Variants in HMG20A observed in about 807,000 individuals in gnomAD.
The protein encoded by HMG20A is high mobility group protein 20A.
Under a neutral mutation model 43.9 loss-of-function variants are expected in HMG20A, and 17 were observed. The ratio of observed to expected loss-of-function variants is 0.39; its 90% CI spans 0.27 to 0.58. The LOEUF is 0.58. Ranked by LOEUF, HMG20A falls within the 20% of genes least tolerant of loss-of-function variation. The pLI, the probability that HMG20A is intolerant of heterozygous loss-of-function variation, is 0.59. For synonymous variants in HMG20A, 132 were observed against 147.5 expected (o/e 0.89, Z 0.76); for missense variants, 341 against 438.2 (o/e 0.78, Z 1.98).
At chr15:77,470,758 C>T in intron 4 of HMG20A, 152 bp from the exon 5 acceptor site, 1 of 576,898 alleles carries the variant, frequency 1.7e-6, no homozygotes, top group Non-Finnish European at 2.8e-6. Context: ...TCTATTCATA[C>T]AACTCTTGTT....
At chr15:77,476,542 A>C (rs2072858418) in intron 6 of HMG20A, among the ~76,000 whole-genome samples, 1 of 151,190 alleles carries the variant, frequency 6.6e-6, no homozygotes, top group South Asian at 2.1e-4. Context: ...GGAAAGATAC[A>C]TTCTGTCTAG....
intron 6 of HMG20A, among the ~76,000 whole-genome samples, chr15:77,472,410 G>GA (rs1262706041): frequency 2.6e-5 from 4 of 152,156 alleles, no homozygotes; most frequent in Non-Finnish European, 4.4e-5. Context: ...GAGTAGCTGG[G>GA]ACTACAGGCT....
intron 1 of HMG20A, among the ~76,000 whole-genome samples, chr15:77,442,892 A>T (rs1253938976): frequency 6.6e-6 from 1 of 152,184 alleles, no homozygotes; most frequent in Non-Finnish European, 1.5e-5. Context: ...TTTAATTTTA[A>T]AACATCTGTG....
Position 77,465,400 on chromosome 15 carries a change from G to T in HMG20A, c.237+1013G>T, listed in dbSNP as rs1007896003. Reference sequence around the variant, plus strand: ...AAATTAAATTGTTCTGTTGTTTTTTGTTTTTTTTTTTTTGAGGTGGAGTCT... The same window carrying T: ...AAATTAAATTGTTCTGTTGTTTTTTTTTTTTTTTTTTTTGAGGTGGAGTCT... On this transcript the variant is annotated intron_variant, in intron 3 of 9. Transcript: ENST00000336216. 6.6e-4 allele frequency among the ~76,000 whole-genome samples: 90 copies of T among 137,388 alleles called. 1 individual carries two copies. Among genetic ancestry groups the T allele is most frequent in the African/African-American group, 1.9e-3 (70 of 37,128 alleles). The allele number at this position is 137,388 out of a possible 152,430, so 90.1% of individuals were successfully genotyped here. A position where few individuals can be genotyped will look rare whatever the true frequency, so the allele number is the denominator to read the frequency against.
Position 77,458,454 on chromosome 15 carries a change from A to C in HMG20A, c.47A>C (p.Asp16Ala). ...TSSTLPPLFA[D>A]EDGSKESNDL... is the part of the protein sequence containing the mutation. Reference sequence around the variant, plus strand: ...TCCACCCTACCGCCCCTTTTTGCAGATGAAGACGGTTCCAAGGAGAGTAAT... The same window carrying C: ...TCCACCCTACCGCCCCTTTTTGCAGCTGAAGACGGTTCCAAGGAGAGTAAT... Residue 16 changes from aspartate (D) to alanine (A), a missense_variant, in exon 2 of 10, where the codon GAT becomes GCT. Physicochemically the swap from Asp to Ala is moderately radical, Grantham distance 126. Transcript: ENST00000336216. The C allele has an allele frequency of 1.2e-6, 2 of 1,613,500 alleles. No individual in the cohort carries two copies. The highest frequency in any genetic ancestry group is 1.7e-6 in the Non-Finnish European group (2 of 1,179,556).
At chr15:77,479,133 A>G in intron 8 of HMG20A, 46 bp from the exon 9 acceptor site, 1 of 1,592,864 alleles carries the variant, frequency 6.3e-7, no homozygotes, top group Non-Finnish European at 8.6e-7. Flanking sequence ...TTTATGGTAC[A>G]ACTGAATAGG....
intron 1 of HMG20A, among the ~76,000 whole-genome samples, chr15:77,445,154 C>CT (rs2142301687): frequency 6.6e-6 from 1 of 152,306 alleles, no homozygotes; most frequent in African/African-American, 2.4e-5. Flanking sequence ...TACTTGCAGT[C>CT]TTCATTGGCT....
At chr15:77,491,875 G>A in the HMG20A span, among the ~76,000 whole-genome samples, 9 of 152,352 alleles carry the variant, frequency 5.9e-5, no homozygotes, top group East Asian at 9.6e-4. Context: ...AAGAAAGATA[G>A]TGAGGTGTTC....
intron 9 of HMG20A, chr15:77,482,452 G>A (rs1401675328): frequency 6.6e-6 from 1 of 151,972 alleles, no homozygotes; most frequent in Non-Finnish European, 1.5e-5. Flanking sequence ...TGCATATGTT[G>A]CCTGATTTCA....
In HMG20A at chr15:77,478,433, G is replaced by T; in HGVS notation, c.830G>T (p.Arg277Leu). Residue 277 changes from arginine to leucine, a missense_variant, in exon 8 of 10, where the codon CGC becomes CTC. By Grantham distance (102) the Arg-to-Leu change is moderately radical. Around this residue, in one of 3 missense-constraint regions of HMG20A, gnomAD observed 118 missense variants for 154.5 expected, o/e 0.76. Transcript: ENST00000336216. Reference sequence around the variant, plus strand: ...GTGGATGTGATCCAGGAGCGGAGCCGCAACACAGTCTTACAGCAGCACCTG... The same window carrying T: ...GTGGATGTGATCCAGGAGCGGAGCCTCAACACAGTCTTACAGCAGCACCTG... ...LEVDVIQERS[R>L]NTVLQQHLET... is the part of the protein sequence containing the mutation. 1 of 1,612,660 alleles carries T rather than the reference G, an allele frequency of 6.2e-7. No homozygotes were observed. Among genetic ancestry groups the T allele is most frequent in the Non-Finnish European group, 8.5e-7 (1 of 1,180,028 alleles).
At chr15:77,514,023 C>G in the HMG20A span, among the ~76,000 whole-genome samples, 2 of 152,182 alleles carry the variant, frequency 1.3e-5, no homozygotes, top group Non-Finnish European at 2.9e-5. Flanking sequence ...CACACTCAGC[C>G]TTTTTTCCTA....
the HMG20A span, among the ~76,000 whole-genome samples, chr15:77,495,746 G>A: frequency 6.6e-6 from 1 of 152,142 alleles, no homozygotes; most frequent in African/African-American, 2.4e-5. Context: ...CCAAAAAATA[G>A]CAGCATGAAA....
At chr15:77,475,315 T>C (rs751559245) in intron 6 of HMG20A, among the ~76,000 whole-genome samples, 13 of 152,216 alleles carry the variant, frequency 8.5e-5, no homozygotes, top group African/African-American at 1.4e-4. Context: ...AACAGTTTCA[T>C]TGAATTGCTT....
intron 1 of HMG20A, among the ~76,000 whole-genome samples, chr15:77,436,600 G>A (rs578139646): frequency 2.6e-5 from 4 of 151,854 alleles, no homozygotes; most frequent in Admixed American, 2.0e-4. Context: ...CTGGGGCCAT[G>A]GGTGTGCACC....
the HMG20A span, among the ~76,000 whole-genome samples, chr15:77,500,457 G>A: frequency 1.3e-5 from 2 of 152,050 alleles, no homozygotes; most frequent in African/African-American, 4.8e-5. Context: ...TCCCATAGTG[G>A]GTGGCGTATG....
chr15:77,439,793 A>G (rs578222033), intron 1 of HMG20A, among the ~76,000 whole-genome samples: 1 of 152,152 alleles, frequency 6.6e-6, no homozygotes, highest in Admixed American at 6.5e-5. Flanking sequence ...ATTTTAACAG[A>G]TATTGCTAAA....
the HMG20A span, among the ~76,000 whole-genome samples, chr15:77,519,541 TC>T: frequency 6.6e-6 from 1 of 152,128 alleles, no homozygotes; most frequent in African/African-American, 2.4e-5. Flanking sequence ...TGGGATTATG[TC>T]CTTATAAAAG....
At chr15:77,513,388 G>A in the HMG20A span, among the ~76,000 whole-genome samples, 7 of 152,322 alleles carry the variant, frequency 4.6e-5, no homozygotes, top group Middle Eastern at 3.4e-3. Context: ...AAGTGCTTAT[G>A]TTTGCCAAAA....
At chr15:77,454,163 T>TAA (rs531023947) in intron 1 of HMG20A, among the ~76,000 whole-genome samples, 13 of 129,340 alleles carry the variant, frequency 1.0e-4, no homozygotes, top group Admixed American at 1.6e-4. Context: ...CCCTGTCTCT[T>TAA]AAAAAAAAAA....
Sources: gnomAD v4.1 joint callset for allele counts (sites outside exome capture counted in the v4.1 genomes callset) on GRCh38, gnomAD v4.1.1 for gene constraint, gnomAD v4.1.1 regional missense constraint, MANE v1.5 for transcripts, NCBI Gene and HGNC (gene_info 2026-07-23, HGNC 2026-07-21) for gene names.